Variants in IFT52 observed in about 807,000 individuals in gnomAD.
The protein encoded by IFT52 is intraflagellar transport 52, also known as intraflagellar transport protein 52 homolog.
A neutral mutation model predicts 54.4 loss-of-function variants in IFT52; 44 were observed. That is an observed-to-expected ratio of 0.81 (90% CI 0.63 to 1.04). The LOEUF is 1.04. IFT52 is among the 50% of genes least tolerant of loss of function. The pLI, the probability that IFT52 is intolerant of heterozygous loss-of-function variation, is 0.00. For synonymous variants in IFT52, 181 were observed against 185.3 expected (o/e 0.98, Z 0.19); for missense variants, 452 against 523.6 (o/e 0.86, Z 1.33).
At chr20:43,616,509 CA>C (rs1020264770) in intron 7 of IFT52, among the ~76,000 whole-genome samples, 1,217 of 60,712 alleles carry the variant, frequency 0.02, 13 homozygotes, top group African/African-American at 0.059. Flanking sequence ...ACACTGTCTC[CA>C]AAAAAAAAAA....
In IFT52 at chr20:43,635,911, T is replaced by G. The variant is rs1458192079; in HGVS notation, c.924-15T>G. The G allele has an allele frequency of 6.2e-7, 1 of 1,613,256 alleles. No individual in the cohort carries two copies. The highest frequency in any genetic ancestry group is 1.3e-5 in the African/African-American group (1 of 75,024). On this transcript the variant is annotated splice_polypyrimidine_tract_variant and intron_variant, in intron 10 of 13. Coordinates refer to ENST00000373030, the MANE Select transcript of IFT52 (RefSeq NM_016004.5). ...GTGTCTTGATCCCTGCTTTTTTGTTTGATTATGAACACAGGGCTCACGAGC... is the reference window on the plus strand; with the variant it reads ...GTGTCTTGATCCCTGCTTTTTTGTTGGATTATGAACACAGGGCTCACGAGC...
chr20:43,611,586 C>T (rs768645822), intron 6 of IFT52, among the ~76,000 whole-genome samples: 11 of 151,164 alleles, frequency 7.3e-5, no homozygotes, highest in South Asian at 4.2e-4. Context: ...TACAGGTGCC[C>T]GCCACCACAC....
At chr20:43,628,542 C>A (rs1984915566) in intron 10 of IFT52, among the ~76,000 whole-genome samples, 1 of 152,136 alleles carries the variant, frequency 6.6e-6, no homozygotes, top group African/African-American at 2.4e-5. Flanking sequence ...AAATAGGAAA[C>A]AAGATCATCA....
chr20:43,609,927 C>T (rs1215667511), intron 6 of IFT52, among the ~76,000 whole-genome samples: 2 of 150,764 alleles, frequency 1.3e-5, no homozygotes, highest in East Asian at 3.9e-4. Context: ...CCAGCCTGGG[C>T]AACAGAGCAA....
At chr20:43,637,365 C>T (rs1022101875) in intron 12 of IFT52, 112 bp downstream of exon 12, 11 of 527,786 alleles carry the variant, frequency 2.1e-5, no homozygotes, top group African/African-American at 1.4e-4. Flanking sequence ...CAGGTTCAAG[C>T]GATTCTCCTG....
intron 7 of IFT52, 101 bp downstream of exon 7, chr20:43,614,077 G>A (rs1983667158): frequency 9.3e-7 from 1 of 1,076,514 alleles, no homozygotes; most frequent in Non-Finnish European, 1.4e-6. Flanking sequence ...TTTTCTCACT[G>A]GTCTTCCTGC....
chr20:43,604,583 A>G (rs538110266), intron 5 of IFT52, among the ~76,000 whole-genome samples: 1 of 152,274 alleles, frequency 6.6e-6, no homozygotes, highest in Non-Finnish European at 1.5e-5. Context: ...CTCAAAAAAA[A>G]AATAAAGCAG....
At chr20:43,631,607 T>C (rs6073162) in intron 10 of IFT52, among the ~76,000 whole-genome samples, 107,668 of 152,178 alleles carry the variant, frequency 0.71, 38,727 homozygotes, top group East Asian at 0.8. Flanking sequence ...AAAAATTGCA[T>C]ACAATGCAAA....
intron 7 of IFT52, among the ~76,000 whole-genome samples, chr20:43,618,605 C>T (rs1354275656): frequency 2.6e-5 from 4 of 152,028 alleles, no homozygotes; most frequent in African/African-American, 9.7e-5. Flanking sequence ...CCTCAGCCTC[C>T]CGAGTAGCTG....
chr20:43,599,802 C>T (rs1348200864), intron 3 of IFT52, among the ~76,000 whole-genome samples: 7 of 152,088 alleles, frequency 4.6e-5, no homozygotes, highest in Non-Finnish European at 5.9e-5. Context: ...ACTACATTGA[C>T]GCATTACACT....
chr20:43,600,790 G>A (rs536919369), intron 3 of IFT52, among the ~76,000 whole-genome samples: 1 of 152,128 alleles, frequency 6.6e-6, no homozygotes, highest in East Asian at 1.9e-4. Context: ...GGCCAACATG[G>A]TGAAACCTTG....
In IFT52 at chr20:43,619,158, T is replaced by C. The variant is rs1984081927; in HGVS notation, c.699+132T>C. The C allele has an allele frequency of 4.6e-6, 3 of 654,056 alleles. No individual in the cohort carries two copies. The South Asian group carries it at 5.8e-5, about 13-fold the overall frequency. The allele number at this position is 654,056 out of a possible 1,614,324, so 40.5% of individuals were successfully genotyped here. On this transcript the variant is annotated intron_variant, in intron 8 of 13. Coordinates refer to ENST00000373030, the MANE Select transcript of IFT52 (RefSeq NM_016004.5). ...CCCATTATATGCCAGGCACTGAGAATACAAAGTCGAGTCAGGCATAGTCCC... is the reference window on the plus strand; with the variant it reads ...CCCATTATATGCCAGGCACTGAGAACACAAAGTCGAGTCAGGCATAGTCCC...
chr20:43,635,588 C>T (rs569787377), intron 10 of IFT52, among the ~76,000 whole-genome samples: 88 of 152,278 alleles, frequency 5.8e-4, no homozygotes, highest in African/African-American at 1.9e-3. Context: ...TGAGCCACTG[C>T]GCCCAGCCAA....
chr20:43,596,737 T>C (rs1372452053), intron 3 of IFT52, among the ~76,000 whole-genome samples: 2 of 8,796 alleles, frequency 2.3e-4, no homozygotes, highest in East Asian at 6.1e-3. Flanking sequence ...GCCACACTTC[T>C]TTTTTTTTTT....
intron 3 of IFT52, among the ~76,000 whole-genome samples, chr20:43,597,849 G>A (rs1348949666): frequency 6.8e-6 from 1 of 146,650 alleles, no homozygotes; most frequent in African/African-American, 2.5e-5. Flanking sequence ...GCAGAGATCG[G>A]GCCACTGCAC....
In IFT52 at chr20:43,596,492, TG is replaced by T; in HGVS notation, c.180del (p.Pro61GlnfsTer13). The T allele has an allele frequency of 6.2e-7, 1 of 1,607,414 alleles. No homozygotes were observed. The highest frequency in any genetic ancestry group is 8.5e-7 in the Non-Finnish European group (1 of 1,174,902). On this transcript the variant is annotated frameshift_variant, in exon 3 of 14. Coordinates refer to ENST00000373030, the MANE Select transcript of IFT52 (RefSeq NM_016004.5). LOFTEE classifies it high-confidence loss of function. ...ATGGAGTGAAACTGTGGATTACAGC[TG>T]GGCCAAGGGAAAAATTTACTGCAGC... The part of the protein sequence containing the change: ...LNGVKLWITA[G>X]PREKFTAAEF...
At chr20:43,631,726 C>G (rs1985183764) in intron 10 of IFT52, among the ~76,000 whole-genome samples, 1 of 152,114 alleles carries the variant, frequency 6.6e-6, no homozygotes, top group Non-Finnish European at 1.5e-5. Flanking sequence ...TAACACTGAT[C>G]CTCTGCTGGA....
chr20:43,623,249 A>T (rs1984472164), intron 9 of IFT52, among the ~76,000 whole-genome samples: 1 of 152,166 alleles, frequency 6.6e-6, no homozygotes, highest in African/African-American at 2.4e-5. Context: ...CAGTGGTTTG[A>T]TCACGGCTCA....
At chr20:43,611,025 C>G (rs1568741276) in intron 6 of IFT52, among the ~76,000 whole-genome samples, 1 of 152,168 alleles carries the variant, frequency 6.6e-6, no homozygotes, top group South Asian at 2.1e-4. Context: ...TAGTGCCCTA[C>G]TTGTTGTTGC....
Sources: allele counts gnomAD v4.1 joint callset (sites outside exome capture counted in the v4.1 genomes callset), GRCh38; gene constraint gnomAD v4.1.1; transcripts MANE v1.5; gene names NCBI Gene and HGNC (gene_info 2026-07-23, HGNC 2026-07-21).